GRIN2B: variants seen among roughly 807,000 people sequenced by gnomAD.
The protein encoded by GRIN2B is glutamate ionotropic receptor NMDA type subunit 2B, also known as glutamate receptor ionotropic, NMDA 2B.
GRIN2B carries 5 observed loss-of-function variants against 114.5 expected under a neutral mutation model. The ratio of observed to expected loss-of-function variants is 0.04; its 90% CI spans 0.02 to 0.09. The LOEUF (loss-of-function observed/expected upper bound fraction) is 0.09, where lower values mean the gene tolerates loss of function less well. GRIN2B is among the 10% of genes least tolerant of loss of function. The pLI is 1.00. For synonymous variants in GRIN2B, 787 were observed against 745.1 expected (o/e 1.06, Z -0.92); for missense variants, 1,108 against 1,943.5 (o/e 0.57, Z 8.08).
intron 2 of GRIN2B, among the ~76,000 whole-genome samples, chr12:13,912,216 T>C (rs1866637322): frequency 6.6e-6 from 1 of 151,944 alleles, no homozygotes; most frequent in Non-Finnish European, 1.5e-5. Context: ...CTGGGTGCAA[T>C]CTAAAAACTC....
At chr12:13,770,738 G>C (rs1004051710) in intron 3 of GRIN2B, among the ~76,000 whole-genome samples, 1 of 152,104 alleles carries the variant, frequency 6.6e-6, no homozygotes, top group Admixed American at 6.6e-5. Context: ...TCATTGCTCA[G>C]CTCCCACTTA....
intron 5 of GRIN2B, among the ~76,000 whole-genome samples, chr12:13,660,210 C>A (rs778827044): frequency 3.9e-5 from 6 of 152,146 alleles, no homozygotes; most frequent in Non-Finnish European, 8.8e-5. Context: ...CTAAATTTAG[C>A]CCATAACTGG....
rs1239265474 is a variant in GRIN2B at position 13,551,642 on chromosome 12, ATTTG to A, written c.*11137_*11140del. ...TGATTGACATAGGAAATTTGGATCTATTTGTTAAGATTGTGTGTGTGCATTAGGG... is the reference window on the plus strand; with the variant it reads ...TGATTGACATAGGAAATTTGGATCTATTAAGATTGTGTGTGTGCATTAGGG... On this transcript the variant is annotated 3_prime_UTR_variant, in exon 14 of 14. Coordinates refer to ENST00000609686, the MANE Select transcript of GRIN2B (RefSeq NM_000834.5). The A allele has an allele frequency of 6.6e-6, 1 of 152,174 alleles. No homozygotes were observed. The highest frequency in any genetic ancestry group is 1.5e-5 in the Non-Finnish European group (1 of 68,026). The allele number at this position is 152,174 out of a possible 1,614,324, so 9.4% of individuals were successfully genotyped here.
chr12:13,543,187 A>G lies in GRIN2B; in HGVS notation c.*19596T>C, dbSNP rs1948302687. The G allele has an allele frequency of 1.3e-5, 2 of 151,922 alleles. No individual in the cohort carries two copies. Among genetic ancestry groups the G allele is most frequent in the Admixed American group, 1.3e-4 (2 of 15,236 alleles). The allele number at this position is 151,922 out of a possible 1,614,324, so 9.4% of individuals were successfully genotyped here. On this transcript the variant is annotated 3_prime_UTR_variant, in exon 14 of 14. Coordinates refer to ENST00000609686, the MANE Select transcript of GRIN2B (RefSeq NM_000834.5). ...CAGTTCCTTGACCCCTGCTCCTTCT[A>G]TAACCTTTTCCTCTATCTTATCTCA...
rs869276433 is a variant in GRIN2B, at chr12:13,541,668, AG to A, written c.*21114del. The stretch of plus-strand genomic sequence containing the variant: ...AATCTTTTGGGGGAAAACGGCTGGC[AG>A]GATATGACCATGCTGAAGGGTTTGC... On this transcript the variant is annotated 3_prime_UTR_variant, in exon 14 of 14. Transcript: ENST00000609686. The A allele has an allele frequency of 6.6e-6, 1 of 152,248 alleles. No homozygotes were observed. The highest frequency in any genetic ancestry group is 1.5e-5 in the Non-Finnish European group (1 of 68,046). The allele number at this position is 152,248 out of a possible 1,614,324, so 9.4% of individuals were successfully genotyped here.
At chr12:13,754,644 T>C (rs1863546738) in intron 3 of GRIN2B, among the ~76,000 whole-genome samples, 1 of 152,216 alleles carries the variant, frequency 6.6e-6, no homozygotes, top group African/African-American at 2.4e-5. Context: ...CTGATAATAA[T>C]ATATGCAGAA....
At position 13,547,981 on chromosome 12, in the gene GRIN2B, A is replaced by ATATATATATATATTTTTTT; in HGVS notation, c.*14801_*14802insAAAAAAATATATATATATA. ...TGTGTATATATATATATATATATATATTTTTTTTTTTTTTCTGAAAGCTAC... is the reference window on the plus strand; with the variant it reads ...TGTGTATATATATATATATATATATATATATATATATATTTTTTTTTTTTTTTTTTTTTCTGAAAGCTAC... On this transcript the variant is annotated 3_prime_UTR_variant, in exon 14 of 14. Coordinates refer to ENST00000609686, the MANE Select transcript of GRIN2B (RefSeq NM_000834.5). 12 of 68,586 alleles carry ATATATATATATATTTTTTT rather than the reference A, an allele frequency of 1.7e-4. No individual in the cohort carries two copies. The highest frequency in any genetic ancestry group is 1.5e-4 in the Non-Finnish European group (5 of 34,394). The allele number at this position is 68,586 out of a possible 1,614,324, so 4.2% of individuals were successfully genotyped here. A position where few individuals can be genotyped will look rare whatever the true frequency, so the allele number is the denominator to read the frequency against.
intron 2 of GRIN2B, among the ~76,000 whole-genome samples, chr12:13,958,633 G>A (rs1046863632): frequency 5.9e-5 from 9 of 152,018 alleles, no homozygotes; most frequent in South Asian, 2.1e-4. Flanking sequence ...GTCTCATCCC[G>A]TGGGCAACCT....
chr12:13,912,851 AG>A (rs1191777361), intron 2 of GRIN2B, among the ~76,000 whole-genome samples: 2 of 152,114 alleles, frequency 1.3e-5, no homozygotes, highest in Admixed American at 6.5e-5. Context: ...GGAAGGTAAG[AG>A]GGGTCAGGAT....
intron 3 of GRIN2B, among the ~76,000 whole-genome samples, chr12:13,858,335 A>G (rs980989104): frequency 2.6e-5 from 4 of 152,228 alleles, no homozygotes; most frequent in African/African-American, 4.8e-5. Context: ...TTATAGCAAT[A>G]AACCTTTATT....
chr12:13,650,666 G>A (rs1007610834), intron 5 of GRIN2B, among the ~76,000 whole-genome samples: 6 of 151,956 alleles, frequency 3.9e-5, no homozygotes, highest in Admixed American at 2.0e-4. Context: ...TTCTCAATGA[G>A]GTCTGCCTTA....
chr12:13,932,828 A>C (rs1867057789), intron 2 of GRIN2B, among the ~76,000 whole-genome samples: 1 of 152,198 alleles, frequency 6.6e-6, no homozygotes, highest in South Asian at 2.1e-4. Flanking sequence ...ACAAAAGCCT[A>C]ATTTCTACAC....
intron 2 of GRIN2B, among the ~76,000 whole-genome samples, chr12:13,906,766 C>T (rs1198733554): frequency 6.6e-6 from 1 of 152,092 alleles, no homozygotes; most frequent in Non-Finnish European, 1.5e-5. Context: ...GTATAAAATC[C>T]AAGAAGCCAG....
chr12:13,745,196 C>A (rs985931109), intron 4 of GRIN2B, among the ~76,000 whole-genome samples: 2 of 152,172 alleles, frequency 1.3e-5, no homozygotes, highest in Non-Finnish European at 2.9e-5. Flanking sequence ...CCAGCCCTCA[C>A]TCAGGCTTCC....
At chr12:13,828,673 G>A (rs1438877153) in intron 3 of GRIN2B, among the ~76,000 whole-genome samples, 1 of 152,144 alleles carries the variant, frequency 6.6e-6, no homozygotes, top group East Asian at 1.9e-4. Flanking sequence ...TAATAATCCT[G>A]TGCTACCCAT....
At chr12:13,665,458 A>G (rs1225360201) in intron 5 of GRIN2B, among the ~76,000 whole-genome samples, 1 of 152,080 alleles carries the variant, frequency 6.6e-6, no homozygotes, top group Admixed American at 6.6e-5. Flanking sequence ...CCTCTTGTCT[A>G]TGAATTTATC....
intron 2 of GRIN2B, among the ~76,000 whole-genome samples, chr12:13,972,386 A>G (rs866317165): frequency 2.0e-5 from 3 of 152,202 alleles, no homozygotes; most frequent in Non-Finnish European, 2.9e-5. Context: ...ATAAAGCAAC[A>G]CAAGCAGAAT....
At chr12:13,661,010 T>A (rs1330374662) in intron 5 of GRIN2B, among the ~76,000 whole-genome samples, 2 of 152,240 alleles carry the variant, frequency 1.3e-5, no homozygotes, top group Non-Finnish European at 2.9e-5. Flanking sequence ...AGTTTTCCAT[T>A]CTTACATTTA....
intron 10 of GRIN2B, among the ~76,000 whole-genome samples, chr12:13,602,619 C>T (rs553487263): frequency 3.9e-5 from 6 of 152,152 alleles, no homozygotes; most frequent in African/African-American, 1.2e-4. Context: ...TGTTCCAGAA[C>T]GCATATTTAT....
Sources: allele counts gnomAD v4.1 joint callset (sites outside exome capture counted in the v4.1 genomes callset), GRCh38; gene constraint gnomAD v4.1.1; transcripts MANE v1.5; gene names NCBI Gene and HGNC (gene_info 2026-07-23, HGNC 2026-07-21).